The following SLC36A1 variants were observed in gnomAD, a reference collection of about 807,000 sequenced individuals.
SLC36A1 encodes the protein proton-coupled amino acid transporter 1.
SLC36A1 carries 30 observed loss-of-function variants against 47.5 expected under a neutral mutation model. That is an observed-to-expected ratio of 0.63 (90% CI 0.47 to 0.86). The LOEUF is 0.86. SLC36A1 is among the 40% of genes least tolerant of loss of function. The pLI is 0.00. For missense variants in SLC36A1, 517 were observed against 606.0 expected (o/e 0.85, Z 1.54); for synonymous variants, 255 against 249.7 (o/e 1.02, Z -0.20).
chr5:151,530,955 G>A, the SLC36A1 span, among the ~76,000 whole-genome samples: 1 of 152,174 alleles, frequency 6.6e-6, no homozygotes, highest in Non-Finnish European at 1.5e-5. Flanking sequence ...GCTGTTTGGG[G>A]AGGTAGAGAG....
upstream of SLC36A1, among the ~76,000 whole-genome samples, chr5:151,433,669 A>G (rs567137020): frequency 2.6e-5 from 4 of 152,114 alleles, no homozygotes; most frequent in South Asian, 8.3e-4. Flanking sequence ...GTGAGTACTC[A>G]CTCAGCCAGG....
the SLC36A1 span, among the ~76,000 whole-genome samples, chr5:151,533,620 C>T: frequency 6.6e-6 from 1 of 152,100 alleles, no homozygotes; most frequent in Non-Finnish European, 1.5e-5. Context: ...TTATCATCAT[C>T]ATTTTCCTGT....
At chr5:151,545,309 T>G in the SLC36A1 span, 1 of 1,614,134 alleles carries the variant, frequency 6.2e-7, no homozygotes, top group Non-Finnish European at 8.5e-7. Flanking sequence ...GCCCTGATGG[T>G]GAGCTTCCGA....
the SLC36A1 span, among the ~76,000 whole-genome samples, chr5:151,350,985 A>G: frequency 6.6e-6 from 1 of 152,144 alleles, no homozygotes; most frequent in African/African-American, 2.4e-5. Flanking sequence ...AATGCTAACA[A>G]TACTGCTCCC....
At chr5:151,435,959 A>AT (rs1299779928), upstream of SLC36A1, among the ~76,000 whole-genome samples, 1 of 152,038 alleles carries the variant, frequency 6.6e-6, no homozygotes, top group Non-Finnish European at 1.5e-5. Context: ...TAGCAGGCAA[A>AT]TTTTACCAAA....
chr5:151,457,272 T>G (rs1179345773), intron 1 of SLC36A1, among the ~76,000 whole-genome samples: 1 of 152,000 alleles, frequency 6.6e-6, no homozygotes, highest in Non-Finnish European at 1.5e-5. Context: ...TACTTCATCT[T>G]TTAGCATTGA....
chr5:151,551,909 T>C, the SLC36A1 span, among the ~76,000 whole-genome samples: 1 of 152,044 alleles, frequency 6.6e-6, no homozygotes, highest in Non-Finnish European at 1.5e-5. Flanking sequence ...TTTAGTGACA[T>C]GGAAATATGT....
the SLC36A1 span, among the ~76,000 whole-genome samples, chr5:151,398,033 G>A: frequency 6.6e-6 from 1 of 152,124 alleles, no homozygotes; most frequent in Non-Finnish European, 1.5e-5. Flanking sequence ...TGGGAGGATC[G>A]CTTGAGCCCA....
At chr5:151,467,050 C>T in intron 5 of SLC36A1, 149 bp from the exon 6 acceptor site, 1 of 609,962 alleles carries the variant, frequency 1.6e-6, no homozygotes, top group East Asian at 2.8e-5. Context: ...AACGCCCAGG[C>T]ACTACCACTA....
the SLC36A1 span, chr5:151,503,993 T>C: frequency 6.6e-6 from 1 of 152,248 alleles, no homozygotes. Context: ...TGACAATCTC[T>C]AGGATCCCTT....
At chr5:151,485,184 TGA>T (rs1373027958) in intron 10 of SLC36A1, among the ~76,000 whole-genome samples, 3 of 152,246 alleles carry the variant, frequency 2.0e-5, no homozygotes, top group African/African-American at 7.2e-5. Flanking sequence ...ATAGTAGTTT[TGA>T]GTTTCAGGGA....
At chr5:151,450,056 G>A (rs1305325762) in intron 1 of SLC36A1, among the ~76,000 whole-genome samples, 3 of 151,810 alleles carry the variant, frequency 2.0e-5, no homozygotes, top group South Asian at 4.2e-4. Context: ...TAGCATGTGG[G>A]ATGAATGGAG....
chr5:151,344,989 G>A, the SLC36A1 span, among the ~76,000 whole-genome samples: 2 of 152,236 alleles, frequency 1.3e-5, no homozygotes, highest in East Asian at 3.9e-4. Context: ...TCAGCCCAGG[G>A]CATCAAGGCT....
At chr5:151,553,442 C>T in the SLC36A1 span, 3 of 1,527,230 alleles carry the variant, frequency 2.0e-6, no homozygotes, top group South Asian at 3.5e-5. Context: ...CAGGAAGACC[C>T]AAGCAGCCAG....
chr5:151,435,835 AATT>A (rs1036822024), upstream of SLC36A1, among the ~76,000 whole-genome samples: 4 of 127,478 alleles, frequency 3.1e-5, no homozygotes, highest in African/African-American at 1.0e-4. Flanking sequence ...ATATATCTGT[AATT>A]ATTAATACAA....
At chr5:151,413,885 A>G in the SLC36A1 span, among the ~76,000 whole-genome samples, 1 of 152,122 alleles carries the variant, frequency 6.6e-6, no homozygotes, top group Non-Finnish European at 1.5e-5. Context: ...ATGTATATAT[A>G]TACATATGCC....
the SLC36A1 span, chr5:151,534,623 A>T: frequency 0.56 from 894,515 of 1,610,418 alleles, 252,658 homozygotes; most frequent in East Asian, 0.84. Flanking sequence ...GGTCTAGGGC[A>T]GTGAGTGTGG....
At chr5:151,424,708 C>A in the SLC36A1 span, among the ~76,000 whole-genome samples, 2 of 151,908 alleles carry the variant, frequency 1.3e-5, no homozygotes, top group African/African-American at 2.4e-5. Flanking sequence ...TAATAGAAAC[C>A]ATTTGATTGT....
chr5:151,538,679 C>G, the SLC36A1 span, among the ~76,000 whole-genome samples: 1 of 152,090 alleles, frequency 6.6e-6, no homozygotes, highest in Non-Finnish European at 1.5e-5. Flanking sequence ...TATTTATTTT[C>G]TTGTTTTCTC....
Sources: allele counts gnomAD v4.1 joint callset (sites outside exome capture counted in the v4.1 genomes callset), GRCh38; gene constraint gnomAD v4.1.1; transcripts MANE v1.5; gene names NCBI Gene and HGNC (gene_info 2026-07-23, HGNC 2026-07-21).